The following KCNQ1 variants were observed in gnomAD, a reference collection of about 807,000 sequenced individuals.
The protein encoded by KCNQ1 is potassium voltage-gated channel subfamily KQT member 1.
A neutral mutation model predicts 72.4 loss-of-function variants in KCNQ1; 49 were observed. The ratio of observed to expected loss-of-function variants is 0.68; its 90% confidence interval spans 0.54 to 0.86. The LOEUF (loss-of-function observed/expected upper bound fraction) is 0.86, where lower values mean the gene tolerates loss of function less well. Ranked by LOEUF, KCNQ1 falls within the 40% of genes least tolerant of loss-of-function variation. The pLI, the probability that KCNQ1 is intolerant of heterozygous loss-of-function variation, is 0.00. For synonymous variants in KCNQ1, 450 were observed against 412.6 expected (o/e 1.09, Z -1.10); for missense variants, 790 against 945.1 (o/e 0.84, Z 2.15).
rs565954194 is a variant in KCNQ1 at position 2,783,134 on chromosome 11, T to A, written c.1794+5097T>A. On this transcript the variant is annotated intron_variant, in intron 15 of 15. Coordinates refer to ENST00000155840, the MANE Select transcript of KCNQ1 (RefSeq NM_000218.3). The surrounding 1 kb of genome is among the most constrained non-coding windows in gnomAD (Gnocchi z 5.2). ...TTTTTCCTTTAAATATCATCCAAAC[T>A]ACATCTCCCACATTTTGATATATGG... Among the ~76,000 whole-genome samples, 3 of 152,298 alleles carry A rather than the reference T, an allele frequency of 2.0e-5. No individual in the cohort carries two copies. Among genetic ancestry groups the A allele is most frequent in the East Asian group, 3.9e-4 (2 of 5,192 alleles).
At position 2,473,999 on chromosome 11, in the gene KCNQ1, C is replaced by T. The variant is rs1193500342; in HGVS notation, c.386+28515C>T. On this transcript the variant is annotated intron_variant, in intron 1 of 15. Coordinates refer to ENST00000155840, the MANE Select transcript of KCNQ1 (RefSeq NM_000218.3). The surrounding 1 kb of genome is among the most constrained non-coding windows in gnomAD (Gnocchi z 6.0). The stretch of plus-strand genomic sequence containing the variant: ...CCTTGGGAGGGAGGTAAGCGGGCAG[C>T]CGGGCCAACCTGCTGCTTGGGGAAG... Among the ~76,000 whole-genome samples the T allele has an allele frequency of 6.6e-6, 1 of 152,246 alleles. No individual in the cohort carries two copies. The highest frequency in any genetic ancestry group is 2.4e-5 in the African/African-American group (1 of 41,476).
In KCNQ1 at chr11:2,491,912, G is replaced by A. The variant is rs2133627699; in HGVS notation, c.387-36016G>A. Among the ~76,000 whole-genome samples, 1 of 152,194 alleles carries A rather than the reference G, an allele frequency of 6.6e-6. No homozygotes were observed. The highest frequency in any genetic ancestry group is 1.5e-5 in the Non-Finnish European group (1 of 68,014). ...CTTTATGGGCCAGAAGAGAGTGGCA[G>A]GACATATTTAAGGTGCTGAAGGAAA... On this transcript the variant is annotated intron_variant, in intron 1 of 15. Coordinates refer to ENST00000155840, the MANE Select transcript of KCNQ1 (RefSeq NM_000218.3). The surrounding 1 kb of genome is among the most constrained non-coding windows in gnomAD (Gnocchi z 4.1).
At chr11:2,553,812 C>A (rs925607223) in intron 2 of KCNQ1, among the ~76,000 whole-genome samples, 3 of 151,960 alleles carry the variant, frequency 2.0e-5, no homozygotes, top group African/African-American at 7.3e-5. Context: ...GCCTCCCAGG[C>A]TCAAGTGATT....
chr11:2,646,269 T>C (rs1849663962), intron 10 of KCNQ1: 2 of 398,630 alleles, frequency 5.0e-6, no homozygotes, highest in East Asian at 7.1e-5. Context: ...TGGATAGGGA[T>C]TTCATAGCAT....
chr11:2,588,705 T>A lies in KCNQ1; in HGVS notation c.1252-8T>A, dbSNP rs761247239. On this transcript the variant is annotated splice_region_variant and splice_polypyrimidine_tract_variant and intron_variant, in intron 9 of 15. Transcript: ENST00000155840. This position sits in a 1 kb window ranked among gnomAD's most constrained non-coding sequence, Gnocchi z 5.6. The stretch of plus-strand genomic sequence containing the variant: ...GGAACCGCTAATCTGTTGTCTTGTT[T>A]TTTTTAGGTAAAGAAAAAAAAGTTC... 6.2e-7 allele frequency: 1 copy of A among 1,613,368 alleles called. No individual in the cohort carries two copies. The highest frequency in any genetic ancestry group is 1.1e-5 in the South Asian group (1 of 91,030).
At chr11:2,693,780 C>A (rs1194554554) in intron 11 of KCNQ1, 1 of 398,644 alleles carries the variant, frequency 2.5e-6, no homozygotes, top group Non-Finnish European at 4.4e-6. Flanking sequence ...CTGGGGCCGG[C>A]CAGTTCAGAG....
intron 10 of KCNQ1, chr11:2,629,044 T>C: frequency 2.5e-6 from 1 of 398,340 alleles, no homozygotes; most frequent in Middle Eastern, 6.3e-4. Context: ...ACTTTGTTCT[T>C]ATTGCTCAAG....
In KCNQ1 at chr11:2,769,585, C is replaced by T. The variant is rs1374820808; in HGVS notation, c.1590+666C>T. Reference sequence around the variant, plus strand: ...CATTGATGGCAGGCATGTCTCCCCTCCTGCCTTGGGGACATTCCTCGGATG... The same window carrying T: ...CATTGATGGCAGGCATGTCTCCCCTTCTGCCTTGGGGACATTCCTCGGATG... On this transcript the variant is annotated intron_variant, in intron 12 of 15. Transcript: ENST00000155840. This position sits in a 1 kb window ranked among gnomAD's most constrained non-coding sequence, Gnocchi z 4.6. Among the ~76,000 whole-genome samples the T allele has an allele frequency of 1.3e-5, 2 of 152,354 alleles. No individual in the cohort carries two copies. Among genetic ancestry groups the T allele is most frequent in the East Asian group, 1.9e-4 (1 of 5,182 alleles).
At position 2,817,728 on chromosome 11, in the gene KCNQ1, G is replaced by A. The variant is rs1013418694; in HGVS notation, c.1795-30039G>A. 6.6e-6 allele frequency among the ~76,000 whole-genome samples: 1 copy of A among 151,986 alleles called. No individual in the cohort carries two copies. Among genetic ancestry groups the A allele is most frequent in the Admixed American group, 6.6e-5 (1 of 15,254 alleles). Reference sequence around the variant, plus strand: ...TTCTCACAGGGGCCTACCCACTTACGACCCACCTCCTCTCCTCCATGGCAA... The same window carrying A: ...TTCTCACAGGGGCCTACCCACTTACAACCCACCTCCTCTCCTCCATGGCAA... On this transcript the variant is annotated intron_variant, in intron 15 of 15. Transcript: ENST00000155840. The surrounding 1 kb of genome is among the most constrained non-coding windows in gnomAD (Gnocchi z 6.1).
rs953291691 is a variant in KCNQ1, at chr11:2,642,794, A to G, written c.1394-19167A>G. The G allele has an allele frequency of 5.5e-5, 22 of 397,616 alleles. No homozygotes were observed. Among genetic ancestry groups the G allele is most frequent in the Non-Finnish European group, 9.3e-5 (21 of 225,634 alleles). 24.6% of individuals were successfully genotyped at this position (397,616 alleles called of 1,614,324 possible). ...CTTTTCTACCTTTTTTAATGGAGGC[A>G]TTTATTACAATAAACTTTCCTCTTA... On this transcript the variant is annotated intron_variant, in intron 10 of 15. Coordinates refer to ENST00000155840, the MANE Select transcript of KCNQ1 (RefSeq NM_000218.3). This position sits in a 1 kb window ranked among gnomAD's most constrained non-coding sequence, Gnocchi z 4.3.
At chr11:2,757,195 A>G (rs1590070802) in intron 11 of KCNQ1, among the ~76,000 whole-genome samples, 1 of 152,292 alleles carries the variant, frequency 6.6e-6, no homozygotes, top group Middle Eastern at 3.4e-3. Context: ...AGAATTGTCT[A>G]TATAGAAAAT....
At position 2,848,433 on chromosome 11, in the gene KCNQ1, C is replaced by T. The variant is rs1402022739; in HGVS notation, c.*430C>T. The T allele has an allele frequency of 4.3e-6, 2 of 467,910 alleles. No individual in the cohort carries two copies. Among genetic ancestry groups the T allele is most frequent in the Non-Finnish European group, 8.5e-6 (2 of 236,594 alleles). 29.0% of individuals were successfully genotyped at this position (467,910 alleles called of 1,614,324 possible). A position where few individuals can be genotyped will look rare whatever the true frequency, so the allele number is the denominator to read the frequency against. ...TGGACCCCAGCCTCAAATCCAGGACCCTGCCAGGCACAGGCAGGGCAGGAC... is the reference window on the plus strand; with the variant it reads ...TGGACCCCAGCCTCAAATCCAGGACTCTGCCAGGCACAGGCAGGGCAGGAC... On this transcript the variant is annotated 3_prime_UTR_variant, in exon 16 of 16. Coordinates refer to ENST00000155840, the MANE Select transcript of KCNQ1 (RefSeq NM_000218.3).
In KCNQ1 at chr11:2,695,161, G is replaced by A. The variant is rs1564860989; in HGVS notation, c.1514+33080G>A. 3 of 398,614 alleles carry A rather than the reference G, an allele frequency of 7.5e-6. No individual in the cohort carries two copies. The highest frequency in any genetic ancestry group is 4.4e-6 in the Non-Finnish European group (1 of 226,098). The allele number at this position is 398,614 out of a possible 1,614,324, so 24.7% of individuals were successfully genotyped here. A position where few individuals can be genotyped will look rare whatever the true frequency, so the allele number is the denominator to read the frequency against. ...GTTGGTTCTTGGCTTTTGGGACTCT[G>A]CACAGAGTTGATCACAGCCCTCAGC... On this transcript the variant is annotated intron_variant, in intron 11 of 15. Coordinates refer to ENST00000155840, the MANE Select transcript of KCNQ1 (RefSeq NM_000218.3). This position sits in a 1 kb window ranked among gnomAD's most constrained non-coding sequence, Gnocchi z 5.2.
At chr11:2,584,699 GTGTT>G (rs1473248489) in intron 7 of KCNQ1, among the ~76,000 whole-genome samples, 10 of 151,838 alleles carry the variant, frequency 6.6e-5, no homozygotes, top group Non-Finnish European at 1.5e-4. Flanking sequence ...CAGTGTGTGT[GTGTT>G]AGTGTGCATA....
At chr11:2,665,555 C>A (rs1292111557) in intron 11 of KCNQ1, 2 of 394,788 alleles carry the variant, frequency 5.1e-6, no homozygotes, top group African/African-American at 2.1e-5. Context: ...TCTGCAGCCA[C>A]CAGATTTCCA....
chr11:2,763,896 C>T lies in KCNQ1; in HGVS notation c.1515-4948C>T, dbSNP rs151257736. ...AATTATTATATATCATCCTTAAAAC[C>T]GGCGTTCTTGTTAAATTCATGTATT... On this transcript the variant is annotated intron_variant, in intron 11 of 15. Coordinates refer to ENST00000155840, the MANE Select transcript of KCNQ1 (RefSeq NM_000218.3). Among the ~76,000 whole-genome samples, 48 of 151,674 alleles carry T rather than the reference C, an allele frequency of 3.2e-4. No homozygotes were observed. In the East Asian group the frequency reaches 7.6e-3, roughly 24 times the overall value.
intron 10 of KCNQ1, chr11:2,635,120 A>G (rs947380199): frequency 6.6e-6 from 1 of 152,142 alleles, no homozygotes; most frequent in African/African-American, 2.4e-5. Flanking sequence ...AATTTCTCCC[A>G]TTCTGTAGGT....
chr11:2,445,613 G>T, intron 1 of KCNQ1, 129 bp downstream of exon 1: 1 of 1,072,054 alleles, frequency 9.3e-7, no homozygotes, highest in Non-Finnish European at 1.4e-6. Context: ...AGGAAGTGGG[G>T]AAACGCAGAA....
intron 11 of KCNQ1, among the ~76,000 whole-genome samples, chr11:2,743,602 C>T (rs780166115): frequency 2.6e-5 from 4 of 152,204 alleles, no homozygotes; most frequent in Non-Finnish European, 5.9e-5. Flanking sequence ...CCTATGGGGA[C>T]TTGCGTCTCC....
Sources: allele counts gnomAD v4.1 joint callset (sites outside exome capture counted in the v4.1 genomes callset), GRCh38; gene constraint gnomAD v4.1.1; non-coding constraint Gnocchi (gnomAD v3.1); transcripts MANE v1.5; gene names NCBI Gene and HGNC (gene_info 2026-07-23, HGNC 2026-07-21).